LRP1B: variants seen among roughly 807,000 people sequenced by gnomAD.
LRP1B encodes the protein low-density lipoprotein receptor-related protein 1B.
Under a neutral mutation model 556.6 loss-of-function variants are expected in LRP1B, and 217 were observed. That is an observed-to-expected ratio of 0.39 (90% CI 0.35 to 0.44). LRP1B has a LOEUF of 0.44. LRP1B is among the 20% of genes least tolerant of loss of function. The probability of loss-of-function intolerance (pLI) is 1.00; values close to 1 mark genes in which losing one functional copy is unlikely to be tolerated. For synonymous variants in LRP1B, 2,047 were observed against 1,865.8 expected, an observed-to-expected ratio of 1.10 and a Z score of -2.50; for missense variants, 5,053 against 5,620.8, an observed-to-expected ratio of 0.90 and a Z score of 3.23.
chr2:140,953,073 T>A (rs1276950974), intron 18 of LRP1B, among the ~76,000 whole-genome samples: 1 of 152,036 alleles, frequency 6.6e-6, no homozygotes, highest in African/African-American at 2.4e-5. Flanking sequence ...AGACCTATGG[T>A]CCATATTCTT....
chr2:141,639,379 CATAT>C (rs1310773523), intron 2 of LRP1B, among the ~76,000 whole-genome samples: 4 of 73,682 alleles, frequency 5.4e-5, no homozygotes, highest in African/African-American at 1.8e-4. Flanking sequence ...TATATATACA[CATAT>C]ATATATACAC....
At chr2:141,660,231 A>G (rs572748432) in intron 2 of LRP1B, among the ~76,000 whole-genome samples, 45 of 152,014 alleles carry the variant, frequency 3.0e-4, no homozygotes, top group Non-Finnish European at 6.2e-4. Context: ...GAACAAGGGG[A>G]GCTCCCACCC....
intron 1 of LRP1B, among the ~76,000 whole-genome samples, chr2:141,923,408 T>TATATATATATATATATATAC (rs1700243687): frequency 7.3e-6 from 1 of 137,644 alleles, no homozygotes; most frequent in Non-Finnish European, 1.6e-5. Context: ...TGTCACTATA[T>TATATATATATATATATATAC]ATATATATAT....
chr2:141,963,632 A>T (rs1443807332), intron 1 of LRP1B, among the ~76,000 whole-genome samples: 3 of 151,594 alleles, frequency 2.0e-5, no homozygotes, highest in Admixed American at 1.3e-4. Flanking sequence ...CCCACAGCCA[A>T]CATCATACTG....
rs139816195 is a variant in LRP1B at position 140,575,849 on chromosome 2, A to G, written c.7194+22782T>C. Among the ~76,000 whole-genome samples the G allele has an allele frequency of 2.7e-3, 410 of 151,970 alleles. 3 individuals carry two copies. Among genetic ancestry groups the G allele is most frequent in the Admixed American group, 5.3e-3 (80 of 15,238 alleles). On this transcript the variant is annotated intron_variant, in intron 43 of 90. Coordinates refer to ENST00000389484, the MANE Select transcript of LRP1B (RefSeq NM_018557.3). ...CTGAGGCAGGAGTGCTTGAACCCTG[A>G]AGGTGGAGGTTGCAATGAGCCGAGA...
chr2:142,075,880 T>C lies in LRP1B; in HGVS notation c.82+54768A>G, dbSNP rs115381893. On this transcript the variant is annotated intron_variant, in intron 1 of 90. Coordinates refer to ENST00000389484, the MANE Select transcript of LRP1B (RefSeq NM_018557.3). Reference sequence around the variant, plus strand: ...TCATGAGAATCAACTGGTAAGCCCATAGGGGCTTGACTAAGAAAATTGTCT... The same window carrying C: ...TCATGAGAATCAACTGGTAAGCCCACAGGGGCTTGACTAAGAAAATTGTCT... Among the ~76,000 whole-genome samples the C allele has an allele frequency of 4.2e-4, 64 of 152,260 alleles. 1 individual carries two copies. Among genetic ancestry groups the C allele is most frequent in the Middle Eastern group, 3.4e-3 (1 of 294 alleles).
intron 11 of LRP1B, among the ~76,000 whole-genome samples, chr2:141,032,654 A>T (rs1258782394): frequency 6.6e-6 from 1 of 151,086 alleles, no homozygotes; most frequent in Non-Finnish European, 1.5e-5. Context: ...GTCCTTTTTA[A>T]TTTTTCTGAT....
chr2:141,925,343 C>G (rs1700304935), intron 1 of LRP1B, among the ~76,000 whole-genome samples: 1 of 152,098 alleles, frequency 6.6e-6, no homozygotes, highest in South Asian at 2.1e-4. Flanking sequence ...ATTGTGTTCT[C>G]TATTATAAGA....
At chr2:141,729,250 C>T (rs1237240731) in intron 2 of LRP1B, among the ~76,000 whole-genome samples, 1 of 152,136 alleles carries the variant, frequency 6.6e-6, no homozygotes, top group Non-Finnish European at 1.5e-5. Flanking sequence ...TTGGGGGCAT[C>T]AGCCAGACAC....
rs148734150 is a variant in LRP1B at position 140,358,026 on chromosome 2, C to G, written c.11348G>C (p.Arg3783Pro). 6.2e-7 allele frequency: 1 copy of G among 1,611,430 alleles called. No homozygotes were observed. Among genetic ancestry groups the G allele is most frequent in the Admixed American group, 1.7e-5 (1 of 59,806 alleles). ...KCIPMDLQCD[R>P]LDDCGDGSDE... ...TGAACCATCTCCGCAGTCATCAAGT[C>G]GATCACACTGGAGATCCATAGGGAT... Residue 3783 changes from arginine to proline, a missense_variant, in exon 74 of 91, where the codon CGA becomes CCA. Around this residue, in one of 5 missense-constraint regions of LRP1B, gnomAD observed 599 missense variants for 648.4 expected, o/e 0.92. Coordinates refer to ENST00000389484, the MANE Select transcript of LRP1B (RefSeq NM_018557.3).
intron 2 of LRP1B, among the ~76,000 whole-genome samples, chr2:141,758,652 T>G (rs1173074989): frequency 6.6e-6 from 1 of 152,084 alleles, no homozygotes; most frequent in Non-Finnish European, 1.5e-5. Flanking sequence ...ATAACTCTAC[T>G]AGGCACAGGA....
At chr2:142,123,331 T>A (rs1707522438) in intron 1 of LRP1B, among the ~76,000 whole-genome samples, 1 of 152,048 alleles carries the variant, frequency 6.6e-6, no homozygotes, top group South Asian at 2.1e-4. Flanking sequence ...ATATTCGTAT[T>A]TCTAAAGTTA....
At chr2:141,727,389 T>C (rs994223174) in intron 2 of LRP1B, among the ~76,000 whole-genome samples, 6 of 152,172 alleles carry the variant, frequency 3.9e-5, no homozygotes, top group East Asian at 1.9e-4. Context: ...ATCAGATTTC[T>C]ATAACTTTTC....
intron 5 of LRP1B, among the ~76,000 whole-genome samples, chr2:141,237,728 C>T (rs1316866959): frequency 6.6e-6 from 1 of 152,082 alleles, no homozygotes; most frequent in Non-Finnish European, 1.5e-5. Flanking sequence ...ATTTTATAAG[C>T]ACGACAAAAG....
intron 4 of LRP1B, among the ~76,000 whole-genome samples, chr2:141,252,167 T>G (rs1684286588): frequency 6.6e-6 from 1 of 151,378 alleles, no homozygotes; most frequent in Non-Finnish European, 1.5e-5. Context: ...TGGGGTTGCC[T>G]TTCTCCTGTA....
intron 2 of LRP1B, among the ~76,000 whole-genome samples, chr2:141,614,088 A>AAAAAAAAAAAAAAAAAAAAAAAAAG: frequency 6.8e-6 from 1 of 147,048 alleles, no homozygotes; most frequent in South Asian, 2.1e-4. Flanking sequence ...CTCAAAAAAA[A>AAAAAAAAAAAAAAAAAAAAAAAAAG]AAAAAAAAAA....
At chr2:141,059,600 T>C (rs1433374338) in intron 8 of LRP1B, among the ~76,000 whole-genome samples, 1 of 151,826 alleles carries the variant, frequency 6.6e-6, no homozygotes, top group African/African-American at 2.4e-5. Flanking sequence ...AAATCACATA[T>C]TTGCAATCAT....
chr2:140,596,301 T>G (rs1682437568), intron 43 of LRP1B, among the ~76,000 whole-genome samples: 1 of 152,022 alleles, frequency 6.6e-6, no homozygotes, highest in Non-Finnish European at 1.5e-5. Context: ...ATGTAAAGAG[T>G]ATTTCAAAAA....
intron 43 of LRP1B, among the ~76,000 whole-genome samples, chr2:140,572,837 T>TAAAATAAAAC (rs1470673814): frequency 2.0e-5 from 3 of 151,254 alleles, no homozygotes; most frequent in Non-Finnish European, 4.4e-5. Flanking sequence ...TAAAATAAAA[T>TAAAATAAAAC]AAAACACTAT....
Sources: gnomAD v4.1 joint callset for allele counts (sites outside exome capture counted in the v4.1 genomes callset) on GRCh38, gnomAD v4.1.1 for gene constraint, gnomAD v4.1.1 regional missense constraint, MANE v1.5 for transcripts, NCBI Gene and HGNC (gene_info 2026-07-23, HGNC 2026-07-21) for gene names.